The following NRXN1 variants were observed in gnomAD, a reference collection of about 807,000 sequenced individuals.
NRXN1 encodes neurexin-1.
In NRXN1, 39 loss-of-function variants were observed where a neutral mutation model predicts 150.9. The ratio of observed to expected loss-of-function variants is 0.26; its 90% CI spans 0.20 to 0.34. The LOEUF is 0.34. Among genes scored for constraint, NRXN1 ranks in the 10% least tolerant of loss-of-function variants. The probability of loss-of-function intolerance (pLI) is 1.00; values close to 1 mark genes in which losing one functional copy is unlikely to be tolerated. For synonymous variants in NRXN1, 924 were observed against 757.0 expected (o/e 1.22, Z -3.62); for missense variants, 1,815 against 1,949.9 (o/e 0.93, Z 1.30).
chr2:50,190,105 C>A (rs1016141260), intron 18 of NRXN1, among the ~76,000 whole-genome samples: 1 of 152,082 alleles, frequency 6.6e-6, no homozygotes, highest in Non-Finnish European at 1.5e-5. Context: ...ACACTACATT[C>A]TGTTCAACTA....
intron 5 of NRXN1, among the ~76,000 whole-genome samples, chr2:50,777,196 A>C (rs562169011): frequency 1.6e-4 from 25 of 152,148 alleles, no homozygotes; most frequent in South Asian, 4.1e-4. Context: ...TATATTGCTT[A>C]AATTAACGGC....
intron 21 of NRXN1, among the ~76,000 whole-genome samples, chr2:50,038,009 G>T (rs914080575): frequency 6.6e-6 from 1 of 152,180 alleles, no homozygotes; most frequent in African/African-American, 2.4e-5. Flanking sequence ...AATGTAGTGG[G>T]CATTCTACAT....
intron 5 of NRXN1, among the ~76,000 whole-genome samples, chr2:50,910,797 C>A (rs1437596070): frequency 6.6e-6 from 1 of 151,876 alleles, no homozygotes; most frequent in African/African-American, 2.4e-5. Context: ...ATACTGCTAA[C>A]AGCTAATCTT....
chr2:50,686,975 T>G (rs887059694), intron 5 of NRXN1, among the ~76,000 whole-genome samples: 11 of 152,310 alleles, frequency 7.2e-5, no homozygotes, highest in African/African-American at 2.2e-4. Context: ...TCTTTATACT[T>G]CCATAATTAG....
intron 8 of NRXN1, among the ~76,000 whole-genome samples, chr2:50,573,091 C>A (rs1670890650): frequency 1.3e-5 from 2 of 151,952 alleles, no homozygotes; most frequent in Non-Finnish European, 2.9e-5. Flanking sequence ...TATATCAGTC[C>A]AGGCATGGTG....
intron 5 of NRXN1, among the ~76,000 whole-genome samples, chr2:50,828,018 C>A (rs193063059): frequency 0.065 from 9,702 of 148,532 alleles, 430 homozygotes; most frequent in Middle Eastern, 0.12. Flanking sequence ...TCCACACAGA[C>A]AGGGCAACCA....
intron 5 of NRXN1, among the ~76,000 whole-genome samples, chr2:50,672,201 A>G (rs866317991): frequency 6.6e-6 from 1 of 151,854 alleles, no homozygotes; most frequent in Non-Finnish European, 1.5e-5. Flanking sequence ...TTACACAGCA[A>G]TTCAAAATTT....
At chr2:50,482,640 C>T (rs1010663245) in intron 15 of NRXN1, among the ~76,000 whole-genome samples, 4 of 152,034 alleles carry the variant, frequency 2.6e-5, no homozygotes, top group Non-Finnish European at 5.9e-5. Context: ...AGCTTTTGAA[C>T]CAGAGTGACT....
Position 49,963,925 on chromosome 2 carries a change from T to C in NRXN1, c.4129-20134A>G, listed in dbSNP as rs891551237. ...AATCGGTCATATGTCCCAGAGCTGC[T>C]GTAACATACCCAGGCCCGTACTTCA... On this transcript the variant is annotated intron_variant, in intron 21 of 22. Coordinates refer to ENST00000401669, the MANE Select transcript of NRXN1 (RefSeq NM_001330078.2). Among the ~76,000 whole-genome samples, 4 of 152,332 alleles carry C rather than the reference T, an allele frequency of 2.6e-5. No individual in the cohort carries two copies. The East Asian group carries it at 5.8e-4, about 22-fold the overall frequency.
chr2:50,214,393 G>A (rs542834303), intron 18 of NRXN1, among the ~76,000 whole-genome samples: 13 of 151,840 alleles, frequency 8.6e-5, no homozygotes, highest in South Asian at 6.2e-4. Context: ...AAATATTTTC[G>A]GTTCCTTCTA....
At chr2:50,336,098 A>T (rs1358777681) in intron 17 of NRXN1, among the ~76,000 whole-genome samples, 2 of 152,208 alleles carry the variant, frequency 1.3e-5, no homozygotes, top group Admixed American at 1.3e-4. Context: ...TAGTTAGTAG[A>T]CGCAATGAGA....
chr2:49,997,721 C>T (rs1683227425), intron 21 of NRXN1, among the ~76,000 whole-genome samples: 1 of 152,058 alleles, frequency 6.6e-6, no homozygotes, highest in South Asian at 2.1e-4. Context: ...TTATGATTTT[C>T]CCCAAGGGTA....
intron 5 of NRXN1, among the ~76,000 whole-genome samples, chr2:50,681,087 T>TA (rs1209715381): frequency 6.6e-6 from 1 of 152,112 alleles, no homozygotes; most frequent in African/African-American, 2.4e-5. Context: ...GCCAAGACAT[T>TA]AAAAAACAGA....
At chr2:50,885,013 G>A (rs1680014048) in intron 5 of NRXN1, among the ~76,000 whole-genome samples, 1 of 151,520 alleles carries the variant, frequency 6.6e-6, no homozygotes, top group African/African-American at 2.4e-5. Context: ...TCTTACAAAT[G>A]AAGTTATTTT....
intron 5 of NRXN1, among the ~76,000 whole-genome samples, chr2:50,737,892 TTTC>T (rs1188249615): frequency 6.6e-6 from 1 of 152,058 alleles, no homozygotes; most frequent in Non-Finnish European, 1.5e-5. Flanking sequence ...AAGAAAGACT[TTTC>T]TTCTTTTTTT....
At chr2:50,428,605 T>A (rs1195867669) in intron 17 of NRXN1, among the ~76,000 whole-genome samples, 1 of 152,200 alleles carries the variant, frequency 6.6e-6, no homozygotes, top group Non-Finnish European at 1.5e-5. Flanking sequence ...ACATACCTTA[T>A]GATTAGAGGC....
At chr2:50,411,525 C>A (rs1378139847) in intron 17 of NRXN1, among the ~76,000 whole-genome samples, 1 of 151,884 alleles carries the variant, frequency 6.6e-6, no homozygotes, top group Non-Finnish European at 1.5e-5. Flanking sequence ...CCCCACCGCC[C>A]TGTCTGAGAT....
At chr2:50,139,875 T>C (rs1024651898) in intron 18 of NRXN1, among the ~76,000 whole-genome samples, 3 of 152,118 alleles carry the variant, frequency 2.0e-5, no homozygotes, top group African/African-American at 7.2e-5. Context: ...AGGAATAATA[T>C]ATGTGGGAGC....
intron 5 of NRXN1, among the ~76,000 whole-genome samples, chr2:50,850,125 G>A (rs1418375871): frequency 6.6e-6 from 1 of 151,836 alleles, no homozygotes; most frequent in Non-Finnish European, 1.5e-5. Context: ...TGGAGAGGCT[G>A]AGGCAGGCAG....
Sources: allele counts gnomAD v4.1 joint callset (sites outside exome capture counted in the v4.1 genomes callset), GRCh38; gene constraint gnomAD v4.1.1; transcripts MANE v1.5; gene names NCBI Gene and HGNC (gene_info 2026-07-23, HGNC 2026-07-21).